Variants in NRXN1 observed in about 807,000 individuals in gnomAD.
NRXN1 encodes neurexin 1.
Under a neutral mutation model 150.9 loss-of-function variants are expected in NRXN1, and 39 were observed. The ratio of observed to expected loss-of-function variants is 0.26; its 90% CI spans 0.20 to 0.34. NRXN1 has a LOEUF of 0.34. Ranked by LOEUF, NRXN1 falls within the 10% of genes least tolerant of loss-of-function variation. The pLI is 1.00. For missense variants in NRXN1, 1,815 were observed against 1,949.9 expected, an observed-to-expected ratio of 0.93 and a Z score of 1.30; for synonymous variants, 924 against 757.0, an observed-to-expected ratio of 1.22 and a Z score of -3.62.
chr2:50,501,693 T>A (rs1046057404), intron 13 of NRXN1, among the ~76,000 whole-genome samples: 1 of 151,988 alleles, frequency 6.6e-6, no homozygotes, highest in Non-Finnish European at 1.5e-5. Flanking sequence ...GATGATGAAT[T>A]GAAGCCCAGT....
intron 17 of NRXN1, among the ~76,000 whole-genome samples, chr2:50,289,132 G>C (rs1418635717): frequency 6.6e-6 from 1 of 152,118 alleles, no homozygotes; most frequent in East Asian, 1.9e-4. Context: ...AAATGACTTA[G>C]AGGAGAATGA....
Position 50,610,753 on chromosome 2 carries a change from T to TA in NRXN1, c.1320+9268_1320+9269insT, listed in dbSNP as rs1677967380. ...TACTAGAACATAGCTTGTAATTATA[T>TA]TTATATATATATATATATGTATATA... On this transcript the variant is annotated intron_variant, in intron 8 of 22. Transcript: ENST00000401669. Among the ~76,000 whole-genome samples the TA allele has an allele frequency of 2.3e-5, 3 of 127,780 alleles. No individual in the cohort carries two copies. In the East Asian group the frequency reaches 6.9e-4, roughly 29 times the overall value. 83.8% of individuals were successfully genotyped at this position (127,780 alleles called of 152,430 possible).
intron 2 of NRXN1, among the ~76,000 whole-genome samples, chr2:50,945,649 C>G (rs1159413573): frequency 6.6e-6 from 1 of 151,620 alleles, no homozygotes; most frequent in Non-Finnish European, 1.5e-5. Flanking sequence ...GACCTAGATT[C>G]TAATTATTAG....
At chr2:50,949,950 T>C (rs2104573516) in intron 2 of NRXN1, among the ~76,000 whole-genome samples, 1 of 152,236 alleles carries the variant, frequency 6.6e-6, no homozygotes, top group South Asian at 2.1e-4. Flanking sequence ...TGACTGGAGT[T>C]TGTACCATCC....
chr2:50,405,014 G>A (rs1386719977), intron 17 of NRXN1, among the ~76,000 whole-genome samples: 3 of 152,046 alleles, frequency 2.0e-5, no homozygotes, highest in Non-Finnish European at 2.9e-5. Context: ...CTTGACAAAC[G>A]TTCTGGTCTA....
intron 9 of NRXN1, among the ~76,000 whole-genome samples, chr2:50,550,686 A>ATT (rs143835428): frequency 6.9e-6 from 1 of 145,368 alleles, no homozygotes; most frequent in South Asian, 2.2e-4. Flanking sequence ...TTTATTTTTT[A>ATT]TTTTTTTTTA....
intron 5 of NRXN1, among the ~76,000 whole-genome samples, chr2:50,685,035 T>C (rs547590133): frequency 6.6e-6 from 1 of 152,206 alleles, no homozygotes; most frequent in African/African-American, 2.4e-5. Context: ...TTTCATAATA[T>C]GACTTTCCAA....
chr2:50,110,334 C>CA lies in NRXN1; in HGVS notation c.3547-18841dup, dbSNP rs200316114. On this transcript the variant is annotated intron_variant, in intron 18 of 22. Transcript: ENST00000401669. ...TGAAACCGCGTCTCTACTAAAAATA[C>CA]AAAAAAAAATAGCCGGGTGTCGTGG... is the stretch of plus-strand genomic sequence containing the variant. Among the ~76,000 whole-genome samples the CA allele has an allele frequency of 6.4e-3, 955 of 149,756 alleles. 10 individuals are homozygous for CA. Among genetic ancestry groups the CA allele is most frequent in the African/African-American group, 0.017 (697 of 40,886 alleles).
intron 17 of NRXN1, among the ~76,000 whole-genome samples, chr2:50,455,070 A>C (rs1238223023): frequency 6.6e-6 from 1 of 152,182 alleles, no homozygotes; most frequent in Non-Finnish European, 1.5e-5. Flanking sequence ...GTGTCTCTAT[A>C]CTTCTCTGAA....
At chr2:50,722,407 G>A (rs912201352) in intron 5 of NRXN1, among the ~76,000 whole-genome samples, 2 of 151,998 alleles carry the variant, frequency 1.3e-5, no homozygotes, top group Admixed American at 6.6e-5. Context: ...TAAAATATTG[G>A]TCAGGTTAAT....
At chr2:50,730,925 C>T (rs56411503) in intron 5 of NRXN1, among the ~76,000 whole-genome samples, 6 of 151,968 alleles carry the variant, frequency 3.9e-5, no homozygotes, top group African/African-American at 4.8e-5. Context: ...CGCCTGCCTC[C>T]GCCTCCCAAA....
intron 5 of NRXN1, among the ~76,000 whole-genome samples, chr2:50,827,951 G>A (rs1374290943): frequency 1.4e-5 from 2 of 144,952 alleles, no homozygotes; most frequent in Non-Finnish European, 3.1e-5. Context: ...GGATCCCAAG[G>A]CAGAAGAATT....
chr2:50,118,990 T>C (rs1354518755), intron 18 of NRXN1, among the ~76,000 whole-genome samples: 1 of 152,000 alleles, frequency 6.6e-6, no homozygotes, highest in Non-Finnish European at 1.5e-5. Flanking sequence ...TTTTTTTTTT[T>C]CGGTTGGTAT....
At chr2:51,026,819 G>A (rs962601090) in intron 2 of NRXN1, among the ~76,000 whole-genome samples, 6 of 152,160 alleles carry the variant, frequency 3.9e-5, no homozygotes, top group Non-Finnish European at 5.9e-5. Context: ...TTTCACAAAT[G>A]TTGGACTTGG....
At chr2:50,467,292 G>A (rs1164035992) in intron 16 of NRXN1, among the ~76,000 whole-genome samples, 1 of 151,570 alleles carries the variant, frequency 6.6e-6, no homozygotes, top group African/African-American at 2.4e-5. Context: ...CTATCTTAGA[G>A]GAGGGTGAAA....
rs750328854 is a variant in NRXN1 at position 50,623,651 on chromosome 2, A to G, written c.833-36T>C. On this transcript the variant is annotated intron_variant, in intron 5 of 22. Coordinates refer to ENST00000401669, the MANE Select transcript of NRXN1 (RefSeq NM_001330078.2). ...ACAGATGATACATACATAAGTAAAC[A>G]AATACACTATGCAAATCAGCAGGTC... The G allele has an allele frequency of 1.3e-5, 19 of 1,472,506 alleles. No individual in the cohort carries two copies. In the African/African-American group the frequency reaches 2.1e-4, roughly 16 times the overall value. The allele number at this position is 1,472,506 out of a possible 1,614,324, so 91.2% of individuals were successfully genotyped here.
chr2:50,281,828 G>C (rs1239875782), intron 17 of NRXN1, among the ~76,000 whole-genome samples: 3 of 152,058 alleles, frequency 2.0e-5, no homozygotes, highest in Non-Finnish European at 2.9e-5. Context: ...AGCAAAAGTG[G>C]TTTCTATTAG....
At chr2:50,684,648 T>A in intron 5 of NRXN1, among the ~76,000 whole-genome samples, 1 of 152,164 alleles carries the variant, frequency 6.6e-6, no homozygotes. Flanking sequence ...GGCCATAAAT[T>A]GACACATACT....
rs973580627 is a variant in NRXN1, at chr2:50,219,811, C to G, written c.3546+16978G>C. Among the ~76,000 whole-genome samples the G allele has an allele frequency of 9.5e-5, 14 of 148,008 alleles. 1 individual carries two copies. Among genetic ancestry groups the G allele is most frequent in the African/African-American group, 2.8e-4 (11 of 39,898 alleles). ...GCTAAGGCGAGAAGATTGCTTGAGC[C>G]TCGGGAGTGTCGAGGCTTCAGTGAG... is the stretch of plus-strand genomic sequence containing the variant. On this transcript the variant is annotated intron_variant, in intron 18 of 22. Transcript: ENST00000401669.
Sources: allele counts gnomAD v4.1 joint callset (sites outside exome capture counted in the v4.1 genomes callset), GRCh38; gene constraint gnomAD v4.1.1; transcripts MANE v1.5; gene names NCBI Gene and HGNC (gene_info 2026-07-23, HGNC 2026-07-21).